ADD3: variants seen among roughly 807,000 people sequenced by gnomAD.
The protein encoded by ADD3 is adducin 3.
ADD3 carries 25 observed loss-of-function variants against 80.2 expected under a neutral mutation model. The observed-to-expected ratio is 0.31, with a 90% confidence interval of 0.23 to 0.44. The LOEUF (loss-of-function observed/expected upper bound fraction) is 0.44. Ranked by LOEUF, ADD3 falls within the 20% of genes least tolerant of loss-of-function variation. The probability of loss-of-function intolerance (pLI) is 1.00; values close to 1 mark genes in which losing one functional copy is unlikely to be tolerated. For missense variants in ADD3, 829 were observed against 847.5 expected (o/e 0.98, Z 0.27); for synonymous variants, 284 against 289.6 (o/e 0.98, Z 0.20).
intron 1 of ADD3, among the ~76,000 whole-genome samples, chr10:110,078,863 C>A (rs889016603): frequency 4.6e-5 from 7 of 152,152 alleles, no homozygotes; most frequent in African/African-American, 1.2e-4. Flanking sequence ...TGGAGCAAAG[C>A]TTGCCAACGA....
chr10:110,029,319 G>A (rs1020702809), intron 1 of ADD3, among the ~76,000 whole-genome samples: 2 of 152,146 alleles, frequency 1.3e-5, no homozygotes, highest in Non-Finnish European at 2.9e-5. Context: ...TGGAACTAAG[G>A]AAAACATCTC....
intron 1 of ADD3, among the ~76,000 whole-genome samples, chr10:110,093,819 G>A (rs2133889537): frequency 6.6e-6 from 1 of 152,212 alleles, no homozygotes; most frequent in Middle Eastern, 3.4e-3. Flanking sequence ...TGTCTTTATG[G>A]TGTGTGGGTG....
intron 1 of ADD3, among the ~76,000 whole-genome samples, chr10:110,092,016 C>G (rs919917225): frequency 6.6e-6 from 1 of 152,272 alleles, no homozygotes; most frequent in African/African-American, 2.4e-5. Flanking sequence ...CAGAGAAGTG[C>G]AGATCAAAAC....
intron 1 of ADD3, among the ~76,000 whole-genome samples, chr10:110,051,605 A>ATAGAACATATTCTAGGGTATACCATTAAG (rs1857521909): frequency 6.6e-6 from 1 of 152,186 alleles, no homozygotes; most frequent in East Asian, 1.9e-4. Flanking sequence ...AAGTCCTGAA[A>ATAGAACATATTCTAGGGTATACCATTAAG]TAGAACATAT....
At chr10:110,079,461 A>AGTGTGTGTGTGT (rs1164637976) in intron 1 of ADD3, among the ~76,000 whole-genome samples, 1 of 97,434 alleles carries the variant, frequency 1.0e-5, no homozygotes, top group African/African-American at 4.6e-5. Flanking sequence ...AGAGAGAGAG[A>AGTGTGTGTGTGT]GTGTGTGTGT....
chr10:110,120,003 G>A (rs1040342132), intron 8 of ADD3, among the ~76,000 whole-genome samples: 7 of 151,892 alleles, frequency 4.6e-5, no homozygotes, highest in African/African-American at 1.5e-4. Flanking sequence ...TGAGAGGTTG[G>A]ATATTTATTA....
intron 10 of ADD3, 66 bp downstream of exon 10, chr10:110,124,340 G>A (rs922657631): frequency 6.6e-7 from 1 of 1,512,938 alleles, no homozygotes; most frequent in African/African-American, 1.4e-5. Flanking sequence ...AGAATTGAAT[G>A]TTCTATATTG....
rs533221015 is a variant in ADD3, at chr10:110,085,831, C to T, written c.-29-14794C>T. ...GATTAAGAAACAGACTTGGGCCGGGCATGGTGGCTCACGCCTGTAATCCCA... is the reference window on the plus strand; with the variant it reads ...GATTAAGAAACAGACTTGGGCCGGGTATGGTGGCTCACGCCTGTAATCCCA... On this transcript the variant is annotated intron_variant, in intron 1 of 14. Coordinates refer to ENST00000356080, the MANE Select transcript of ADD3 (RefSeq NM_016824.5). Among the ~76,000 whole-genome samples the T allele has an allele frequency of 5.3e-5, 8 of 152,318 alleles. No homozygotes were observed. The South Asian group carries it at 1.2e-3, about 24-fold the overall frequency.
chr10:110,121,586 A>C (rs1343997511), intron 8 of ADD3, among the ~76,000 whole-genome samples: 1 of 152,236 alleles, frequency 6.6e-6, no homozygotes, highest in Non-Finnish European at 1.5e-5. Context: ...ACAACTAAAA[A>C]AAAACTTTTT....
chr10:110,055,570 G>A (rs963501958), intron 1 of ADD3, among the ~76,000 whole-genome samples: 1 of 151,776 alleles, frequency 6.6e-6, no homozygotes, highest in Non-Finnish European at 1.5e-5. Context: ...GAAAAGCCCA[G>A]ATTAAAACAA....
At chr10:110,080,908 G>C (rs983550614) in intron 1 of ADD3, among the ~76,000 whole-genome samples, 3 of 152,180 alleles carry the variant, frequency 2.0e-5, no homozygotes, top group African/African-American at 7.2e-5. Flanking sequence ...AAGTTATAAA[G>C]TAACAAAAGC....
intron 1 of ADD3, among the ~76,000 whole-genome samples, chr10:109,999,849 C>G (rs920835501): frequency 6.6e-6 from 1 of 150,870 alleles, no homozygotes; most frequent in African/African-American, 2.4e-5. Context: ...ATTCTGCAAT[C>G]TAGTTGTTTC....
intron 1 of ADD3, among the ~76,000 whole-genome samples, chr10:110,064,897 A>G (rs1293338666): frequency 3.3e-5 from 5 of 152,144 alleles, no homozygotes; most frequent in Non-Finnish European, 5.9e-5. Context: ...ATCTCTACAA[A>G]AAATACAAAA....
chr10:110,017,733 C>T (rs143170735), intron 1 of ADD3, among the ~76,000 whole-genome samples: 55 of 152,192 alleles, frequency 3.6e-4, no homozygotes, highest in African/African-American at 1.3e-3. Flanking sequence ...TTGTGCATAC[C>T]AAGTACGTTC....
chr10:110,079,471 T>A (rs990703566), intron 1 of ADD3, among the ~76,000 whole-genome samples: 65 of 144,838 alleles, frequency 4.5e-4, no homozygotes, highest in East Asian at 4.1e-3. Flanking sequence ...AGTGTGTGTG[T>A]GTGTGTGTGT....
chr10:110,123,416 C>T (rs1349736675), intron 9 of ADD3, among the ~76,000 whole-genome samples: 3 of 148,138 alleles, frequency 2.0e-5, no homozygotes. Context: ...TCTAACAGGA[C>T]ATGCCATCTC....
At chr10:110,100,906 A>T in intron 2 of ADD3, 58 bp downstream of exon 2, 1 of 1,466,020 alleles carries the variant, frequency 6.8e-7, no homozygotes, top group Non-Finnish European at 9.1e-7. Context: ...TAGTATAATA[A>T]GGTAGAAGTT....
At chr10:110,000,116 C>T (rs1184706037) in intron 1 of ADD3, among the ~76,000 whole-genome samples, 1 of 152,136 alleles carries the variant, frequency 6.6e-6, no homozygotes, top group Non-Finnish European at 1.5e-5. Flanking sequence ...GACTGGGTTT[C>T]ACCATGTTGG....
intron 1 of ADD3, among the ~76,000 whole-genome samples, chr10:110,078,663 T>C (rs942447229): frequency 1.3e-5 from 2 of 152,196 alleles, no homozygotes; most frequent in African/African-American, 4.8e-5. Flanking sequence ...TCAAACTTTT[T>C]TCAGTATATT....
Sources: allele counts gnomAD v4.1 joint callset (sites outside exome capture counted in the v4.1 genomes callset), GRCh38; gene constraint gnomAD v4.1.1; transcripts MANE v1.5; gene names NCBI Gene and HGNC (gene_info 2026-07-23, HGNC 2026-07-21).